COL22A1: variants seen among roughly 807,000 people sequenced by gnomAD.
COL22A1 encodes the protein collagen alpha-1(XXII) chain.
Under a neutral mutation model 248.9 loss-of-function variants are expected in COL22A1, and 221 were observed. The ratio of observed to expected loss-of-function variants is 0.89; its 90% CI spans 0.80 to 0.99. The LOEUF is 0.99. Ranked by LOEUF, COL22A1 falls within the 50% of genes least tolerant of loss-of-function variation. COL22A1 has a pLI of 0.00. For synonymous variants in COL22A1, 891 were observed against 793.4 expected, an observed-to-expected ratio of 1.12 and a Z score of -2.07; for missense variants, 2,240 against 2,179.0, an observed-to-expected ratio of 1.03 and a Z score of -0.56.
At chr8:138,711,200 C>T (rs1437368970) in intron 30 of COL22A1, among the ~76,000 whole-genome samples, 4 of 152,134 alleles carry the variant, frequency 2.6e-5, no homozygotes, top group Admixed American at 6.5e-5. Context: ...TGACTGTCAG[C>T]GCCCCTTGCT....
rs760979390 is a variant in COL22A1 at position 138,877,936 on chromosome 8, C to T, written c.472G>A (p.Val158Met). 6.2e-7 allele frequency: 1 copy of T among 1,604,826 alleles called. No individual in the cohort carries two copies. Among genetic ancestry groups the T allele is most frequent in the East Asian group, 2.2e-5 (1 of 44,462 alleles). Residue 158 changes from valine to methionine, a missense_variant, in exon 3 of 65, where the codon GTG (valine) becomes ATG (methionine). Physicochemically the swap from Val to Met is conservative, Grantham distance 21. Transcript: ENST00000303045. ...LLTDGRSQDL[V>M]LDAAAAAHRA... ...TGGGCTGCCGCCGCGGCGTCCAGCA[C>T]CAGGTCCTGGCTGCGGCCGTCGGTG...
intron 45 of COL22A1, among the ~76,000 whole-genome samples, chr8:138,652,735 G>GTTTTTGT (rs1822858554): frequency 1.8e-5 from 1 of 54,244 alleles, no homozygotes; most frequent in Non-Finnish European, 3.5e-5. Context: ...TCCTTTTCTG[G>GTTTTTGT]TTTTTTTTTT....
At chr8:138,594,309 A>G (rs1817343503) in intron 62 of COL22A1, 110 bp from the exon 63 acceptor site, 1 of 873,958 alleles carries the variant, frequency 1.1e-6, no homozygotes, top group African/African-American at 1.9e-5. Flanking sequence ...AGCTGCAGAA[A>G]CGGACATAGG....
chr8:138,756,378 C>T (rs905925507), intron 18 of COL22A1, among the ~76,000 whole-genome samples: 4 of 152,150 alleles, frequency 2.6e-5, no homozygotes, highest in African/African-American at 9.7e-5. Context: ...TCCTTGGCCT[C>T]CAGGTCCCCT....
intron 2 of COL22A1, among the ~76,000 whole-genome samples, chr8:138,879,416 G>C (rs1426150016): frequency 6.6e-6 from 1 of 152,174 alleles, no homozygotes; most frequent in African/African-American, 2.4e-5. Flanking sequence ...TTAAGGCCAG[G>C]TGCAGTGGTT....
chr8:138,618,309 C>T (rs1030717254), intron 53 of COL22A1, among the ~76,000 whole-genome samples: 1 of 152,214 alleles, frequency 6.6e-6, no homozygotes, highest in African/African-American at 2.4e-5. Context: ...AAGCTTTGTC[C>T]TGACTTATTC....
intron 30 of COL22A1, 107 bp downstream of exon 30, chr8:138,715,575 A>C: frequency 1.5e-6 from 1 of 649,886 alleles, no homozygotes; most frequent in Non-Finnish European, 2.4e-6. Flanking sequence ...ATTTTAAAAA[A>C]AAAAAAAAAA....
chr8:138,775,097 T>C (rs34370046), intron 16 of COL22A1, among the ~76,000 whole-genome samples: 48,414 of 152,078 alleles, frequency 0.32, 8,272 homozygotes, highest in African/African-American at 0.44. Context: ...GAGAGTCACA[T>C]CCTGCAGGAA....
At position 138,751,477 on chromosome 8, in the gene COL22A1, G is replaced by C; in HGVS notation, c.2066C>G (p.Pro689Arg). 6.2e-7 allele frequency: 1 copy of C among 1,612,782 alleles called. No individual in the cohort carries two copies. The highest frequency in any genetic ancestry group is 1.1e-5 in the South Asian group (1 of 90,848). Residue 689 changes from proline to arginine, a missense_variant, in exon 22 of 65, where the codon CCT becomes CGT. Coordinates refer to ENST00000303045, the MANE Select transcript of COL22A1 (RefSeq NM_152888.3). ...ACTTACTCGGAGACCTTGCAAACCAGGAGGTCCATCCCTGCCTTCTGGGCC... is the reference window on the plus strand; with the variant it reads ...ACTTACTCGGAGACCTTGCAAACCACGAGGTCCATCCCTGCCTTCTGGGCC... Reference protein sequence around the residue: ...PIGPEGRDGPPGLQGLRGKKG... With the variant: ...PIGPEGRDGPRGLQGLRGKKG...
chr8:138,772,894 A>T (rs1346577472), intron 16 of COL22A1, among the ~76,000 whole-genome samples: 1 of 151,766 alleles, frequency 6.6e-6, no homozygotes, highest in African/African-American at 2.4e-5. Context: ...ACAACAAAAA[A>T]CCCATAGTTT....
At chr8:138,636,266 G>T (rs1821151106) in intron 48 of COL22A1, among the ~76,000 whole-genome samples, 1 of 151,836 alleles carries the variant, frequency 6.6e-6, no homozygotes, top group South Asian at 2.1e-4. Flanking sequence ...CCATCCTATA[G>T]CACATTAGGA....
At chr8:138,616,823 T>C (rs1819362406) in intron 54 of COL22A1, 91 bp downstream of exon 54, 2 of 1,475,558 alleles carry the variant, frequency 1.4e-6, no homozygotes, top group South Asian at 1.1e-5. Context: ...GGTAAGGCAC[T>C]GCCATGGCCT....
At chr8:138,797,982 T>C (rs1216536554) in intron 11 of COL22A1, among the ~76,000 whole-genome samples, 8 of 84,550 alleles carry the variant, frequency 9.5e-5, no homozygotes, top group Non-Finnish European at 2.7e-5. Flanking sequence ...GTTTTCTGTT[T>C]TTTATTTTCA....
rs746632813 is a variant in COL22A1 at position 138,694,542 on chromosome 8, C to A, written c.2666G>T (p.Gly889Val). The A allele has an allele frequency of 6.2e-7, 1 of 1,613,986 alleles. No homozygotes were observed. The highest frequency in any genetic ancestry group is 1.3e-5 in the African/African-American group (1 of 74,920). Reference sequence around the variant, plus strand: ...AGTGGGTCCCTGAGGCCCCAATTCTCCAGGACGGCCCTGCAGTCCCTGTAA... The same window carrying A: ...AGTGGGTCCCTGAGGCCCCAATTCTACAGGACGGCCCTGCAGTCCCTGTAA... The part of the protein sequence containing the change: ...PGEPGLQGRP[G>V]ELGPQGPTGP... The change falls in exon 34 of 65, where the codon GGA becomes GTA. Residue 889 changes from glycine (G) to valine (V), a missense_variant. Gly to Val is a moderately radical substitution (Grantham distance 109, BLOSUM62 -3). Coordinates refer to ENST00000303045, the MANE Select transcript of COL22A1 (RefSeq NM_152888.3).
chr8:138,793,437 C>G (rs1400856995), intron 12 of COL22A1, among the ~76,000 whole-genome samples: 1 of 152,126 alleles, frequency 6.6e-6, no homozygotes, highest in African/African-American at 2.4e-5. Flanking sequence ...GGACTTTATG[C>G]ATCATCTCAT....
At chr8:138,668,418 A>T (rs1045142849) in intron 41 of COL22A1, among the ~76,000 whole-genome samples, 2 of 152,230 alleles carry the variant, frequency 1.3e-5, no homozygotes, top group African/African-American at 4.8e-5. Context: ...ACACATGCAC[A>T]TATATATCAC....
intron 3 of COL22A1, among the ~76,000 whole-genome samples, chr8:138,875,335 CT>C (rs1405589815): frequency 6.6e-6 from 1 of 152,112 alleles, no homozygotes. Context: ...GGGACTTGAC[CT>C]CTCTGGGGTT....
At chr8:138,827,724 C>T (rs982452261) in intron 5 of COL22A1, among the ~76,000 whole-genome samples, 6 of 152,044 alleles carry the variant, frequency 3.9e-5, no homozygotes, top group East Asian at 1.9e-4. Context: ...TCCCCCCCAC[C>T]GAGAACCAAG....
chr8:138,783,966 G>C (rs919936911), intron 12 of COL22A1, among the ~76,000 whole-genome samples: 2 of 152,178 alleles, frequency 1.3e-5, no homozygotes, highest in African/African-American at 4.8e-5. Flanking sequence ...CCCATGCAGG[G>C]AGAGGGACTG....
Sources: gnomAD v4.1 joint callset for allele counts (sites outside exome capture counted in the v4.1 genomes callset) on GRCh38, gnomAD v4.1.1 for gene constraint, MANE v1.5 for transcripts, NCBI Gene and HGNC (gene_info 2026-07-23, HGNC 2026-07-21) for gene names.